The following MGAT4C variants were observed in gnomAD, a reference collection of about 807,000 sequenced individuals.
The protein encoded by MGAT4C is alpha-1,3-mannosyl-glycoprotein 4-beta-N-acetylglucosaminyltransferase C.
In MGAT4C, 19 loss-of-function variants were observed where a neutral mutation model predicts 40.1. The observed-to-expected ratio is 0.47, with a 90% CI of 0.33 to 0.70. The LOEUF is 0.70. Ranked by LOEUF, MGAT4C falls within the 30% of genes least tolerant of loss-of-function variation. MGAT4C has a pLI of 0.02. For missense variants in MGAT4C, 491 were observed against 563.2 expected (o/e 0.87, Z 1.30); for synonymous variants, 181 against 187.1 (o/e 0.97, Z 0.27).
chr12:86,219,107 G>A (rs1459384168), intron 1 of MGAT4C, among the ~76,000 whole-genome samples: 1 of 152,084 alleles, frequency 6.6e-6, no homozygotes, highest in Non-Finnish European at 1.5e-5. Context: ...TTGAACCCAG[G>A]AGGTGGAGGT....
intron 1 of MGAT4C, among the ~76,000 whole-genome samples, chr12:86,123,894 G>A (rs79785379): frequency 3.7e-3 from 560 of 152,124 alleles, no homozygotes; most frequent in African/African-American, 0.013. Flanking sequence ...TCCCTTGTAT[G>A]TGCATTTTAC....
intron 1 of MGAT4C, among the ~76,000 whole-genome samples, chr12:86,838,428 A>G (rs1953084898): frequency 6.6e-6 from 1 of 152,194 alleles, no homozygotes; most frequent in African/African-American, 2.4e-5. Context: ...AGCCTGCAGC[A>G]CGGTTTTGTT....
At chr12:86,704,165 A>G (rs1369083444) in intron 2 of MGAT4C, among the ~76,000 whole-genome samples, 2 of 152,160 alleles carry the variant, frequency 1.3e-5, no homozygotes, top group Non-Finnish European at 2.9e-5. Flanking sequence ...TACTTTTTAA[A>G]GAATGTATGA....
chr12:86,541,328 A>T (rs1217721061), intron 2 of MGAT4C, among the ~76,000 whole-genome samples: 1 of 152,216 alleles, frequency 6.6e-6, no homozygotes, highest in African/African-American at 2.4e-5. Flanking sequence ...ATGAAAGTCA[A>T]CCAGAAGTCA....
rs570692490 is a variant in MGAT4C at position 86,294,464 on chromosome 12, G to C, written c.-57+39601C>G. ...CCTGTCTAGCACCACATGCCTCTTC[G>C]ATTGCGCTTGTTCTCCTCTGCATGC... On this transcript the variant is annotated intron_variant, in intron 4 of 7. Coordinates refer to the MGAT4C transcript ENST00000548651. Among the ~76,000 whole-genome samples the C allele has an allele frequency of 4.0e-5, 6 of 151,668 alleles. No individual in the cohort carries two copies. The East Asian group carries it at 1.2e-3, about 29-fold the overall frequency.
chr12:86,284,767 C>G (rs73181985), intron 4 of MGAT4C, among the ~76,000 whole-genome samples: 1 of 151,898 alleles, frequency 6.6e-6, no homozygotes, highest in African/African-American at 2.4e-5. Context: ...AATTAGAGTT[C>G]CATGCAGCCT....
At chr12:86,193,520 C>T (rs947616232) in intron 1 of MGAT4C, among the ~76,000 whole-genome samples, 1 of 151,802 alleles carries the variant, frequency 6.6e-6, no homozygotes, top group Non-Finnish European at 1.5e-5. Context: ...CAATTATTTT[C>T]CTTTGCAGGA....
chr12:86,003,525 A>G (rs1424804781), intron 2 of MGAT4C, among the ~76,000 whole-genome samples: 1 of 152,170 alleles, frequency 6.6e-6, no homozygotes, highest in Non-Finnish European at 1.5e-5. Context: ...TGCTTTTGTG[A>G]TGCTTGCCTA....
intron 2 of MGAT4C, among the ~76,000 whole-genome samples, chr12:86,695,914 T>C (rs1264807609): frequency 6.6e-6 from 1 of 152,028 alleles, no homozygotes; most frequent in African/African-American, 2.4e-5. Flanking sequence ...CATTTTAAAA[T>C]AGCTGAAAGA....
At chr12:86,654,898 G>A (rs1043714145) in intron 2 of MGAT4C, among the ~76,000 whole-genome samples, 1 of 151,932 alleles carries the variant, frequency 6.6e-6, no homozygotes, top group Non-Finnish European at 1.5e-5. Context: ...TTTGTGGAAG[G>A]AAGGACCATT....
At chr12:86,120,567 C>T (rs1879212605) in intron 1 of MGAT4C, among the ~76,000 whole-genome samples, 1 of 152,196 alleles carries the variant, frequency 6.6e-6, no homozygotes, top group South Asian at 2.1e-4. Flanking sequence ...CAGGCAGCAA[C>T]ATTTGCCGTT....
intron 3 of MGAT4C, among the ~76,000 whole-genome samples, chr12:86,433,725 C>G (rs1957087154): frequency 6.6e-6 from 1 of 151,866 alleles, no homozygotes; most frequent in Admixed American, 6.6e-5. Flanking sequence ...AACGGCATTG[C>G]TAAAGTTTTT....
At chr12:86,822,568 C>T (rs76788800) in intron 1 of MGAT4C, among the ~76,000 whole-genome samples, 2 of 150,414 alleles carry the variant, frequency 1.3e-5, no homozygotes, top group African/African-American at 4.9e-5. Flanking sequence ...AAATAGACTT[C>T]AAGTCAAAAA....
rs150761343 is a variant in MGAT4C, at chr12:86,347,973, G to GC, written c.-119-13847_-119-13846insG. The stretch of plus-strand genomic sequence containing the variant: ...TTTTCTTTAGGCTTATTCTAAGTGT[G>GC]ATAACCAAATTAATAAACATTTCCA... On this transcript the variant is annotated intron_variant, in intron 3 of 7. Coordinates refer to the MGAT4C transcript ENST00000548651. Among the ~76,000 whole-genome samples, 1,067 of 152,140 alleles carry GC rather than the reference G, an allele frequency of 7.0e-3. 11 individuals carry two copies. The highest frequency in any genetic ancestry group is 0.025 in the African/African-American group (1,020 of 41,532).
chr12:86,462,404 C>G (rs976352590), intron 2 of MGAT4C, among the ~76,000 whole-genome samples: 3 of 152,102 alleles, frequency 2.0e-5, no homozygotes, highest in African/African-American at 7.2e-5. Flanking sequence ...ATAAGAATAT[C>G]ATCAGATGGA....
intron 1 of MGAT4C, among the ~76,000 whole-genome samples, chr12:86,192,483 G>T (rs1428658517): frequency 6.6e-6 from 1 of 152,022 alleles, no homozygotes; most frequent in African/African-American, 2.4e-5. Flanking sequence ...GAGACGCCTT[G>T]CAAGACTTTA....
At chr12:86,195,277 A>G (rs1428887629) in intron 1 of MGAT4C, among the ~76,000 whole-genome samples, 1 of 152,092 alleles carries the variant, frequency 6.6e-6, no homozygotes, top group African/African-American at 2.4e-5. Context: ...TAGTTCTTTA[A>G]TATTTTATAA....
intron 1 of MGAT4C, among the ~76,000 whole-genome samples, chr12:86,812,034 T>C (rs1952486922): frequency 6.6e-6 from 1 of 152,272 alleles, no homozygotes; most frequent in South Asian, 2.1e-4. Flanking sequence ...CTAGTCTACA[T>C]TTTTTAAAAT....
At chr12:86,066,497 T>C (rs1455436313) in intron 1 of MGAT4C, among the ~76,000 whole-genome samples, 2 of 151,778 alleles carry the variant, frequency 1.3e-5, no homozygotes, top group African/African-American at 4.8e-5. Flanking sequence ...TTGGGAAAAC[T>C]GGCTAGTCAA....
Sources: gnomAD v4.1 joint callset for allele counts (sites outside exome capture counted in the v4.1 genomes callset) on GRCh38, gnomAD v4.1.1 for gene constraint, MANE v1.5 for transcripts, NCBI Gene and HGNC (gene_info 2026-07-23, HGNC 2026-07-21) for gene names.